Variants in MAGI2 observed in about 807,000 individuals in gnomAD.
MAGI2 encodes membrane-associated guanylate kinase, WW and PDZ domain-containing protein 2.
MAGI2 carries 35 observed loss-of-function variants against 133.3 expected under a neutral mutation model. That is an observed-to-expected ratio of 0.26 (90% confidence interval 0.20 to 0.35). MAGI2 has a LOEUF of 0.35. MAGI2 is among the 10% of genes least tolerant of loss of function. The pLI, the probability that MAGI2 is intolerant of heterozygous loss-of-function variation, is 1.00. For synonymous variants in MAGI2, 729 were observed against 710.6 expected (o/e 1.03, Z -0.41); for missense variants, 1,636 against 1,863.4 (o/e 0.88, Z 2.25).
chr7:78,898,944 G>A lies in MAGI2; in HGVS notation c.418+108146C>T, dbSNP rs1045086679. The stretch of plus-strand genomic sequence containing the variant: ...ACTACATAATAATATGTTATTGCAC[G>A]TATTTTTTCAACTCCTCATTCAATG... On this transcript the variant is annotated intron_variant, in intron 2 of 21. Coordinates refer to ENST00000354212, the MANE Select transcript of MAGI2 (RefSeq NM_012301.4). Among the ~76,000 whole-genome samples, 36 of 151,874 alleles carry A rather than the reference G, an allele frequency of 2.4e-4. 1 individual carries two copies. Among genetic ancestry groups the A allele is most frequent in the Non-Finnish European group, 7.4e-5 (5 of 67,970 alleles).
intron 3 of MAGI2, among the ~76,000 whole-genome samples, chr7:78,573,006 A>ACTAATAG: frequency 8.2e-6 from 1 of 121,436 alleles, no homozygotes; most frequent in African/African-American, 3.1e-5. Context: ...GAGGAACAGA[A>ACTAATAG]CTAATAGGAT....
chr7:78,092,539 G>T (rs1186762053), intron 20 of MAGI2, among the ~76,000 whole-genome samples: 1 of 152,156 alleles, frequency 6.6e-6, no homozygotes, highest in East Asian at 1.9e-4. Context: ...CTATGAAATT[G>T]GGCAGCATGT....
chr7:79,396,791 TA>T (rs1585832090), intron 1 of MAGI2, among the ~76,000 whole-genome samples: 1 of 152,122 alleles, frequency 6.6e-6, no homozygotes, highest in African/African-American at 2.4e-5. Flanking sequence ...TTAAAAGACT[TA>T]TTATTTAATG....
chr7:78,997,430 C>T (rs1387374113), intron 2 of MAGI2, among the ~76,000 whole-genome samples: 1 of 151,824 alleles, frequency 6.6e-6, no homozygotes, highest in African/African-American at 2.4e-5. Flanking sequence ...ATGGAGAAAC[C>T]CTGTCTACTA....
rs567411487 is a variant in MAGI2 at position 78,905,250 on chromosome 7, A to G, written c.418+101840T>C. Among the ~76,000 whole-genome samples, 5 of 152,190 alleles carry G rather than the reference A, an allele frequency of 3.3e-5. No individual in the cohort carries two copies. In the East Asian group the frequency reaches 9.7e-4, roughly 29 times the overall value. Reference sequence around the variant, plus strand: ...AAACTCTTTCCTACAATGTGTTGCAATTTTCAGTAATGACACCGTGCCGTG... The same window carrying G: ...AAACTCTTTCCTACAATGTGTTGCAGTTTTCAGTAATGACACCGTGCCGTG... On this transcript the variant is annotated intron_variant, in intron 2 of 21. Transcript: ENST00000354212.
intron 6 of MAGI2, among the ~76,000 whole-genome samples, chr7:78,477,377 T>C (rs1227955300): frequency 6.6e-6 from 1 of 152,064 alleles, no homozygotes; most frequent in Admixed American, 6.6e-5. Context: ...TATTTTATAA[T>C]ACCTTTCAGA....
chr7:79,209,825 A>C (rs1210776131), intron 1 of MAGI2, among the ~76,000 whole-genome samples: 1 of 152,112 alleles, frequency 6.6e-6, no homozygotes, highest in Non-Finnish European at 1.5e-5. Flanking sequence ...TAAGACTGTT[A>C]GCCTTTTGAC....
At chr7:78,372,573 C>T (rs1794030669) in intron 6 of MAGI2, among the ~76,000 whole-genome samples, 1 of 152,106 alleles carries the variant, frequency 6.6e-6, no homozygotes, top group African/African-American at 2.4e-5. Context: ...AAAATAAACA[C>T]TTGAGATCAG....
chr7:79,133,302 A>G (rs1821102973), intron 1 of MAGI2, among the ~76,000 whole-genome samples: 1 of 152,140 alleles, frequency 6.6e-6, no homozygotes, highest in Non-Finnish European at 1.5e-5. Context: ...TCAGTCTTTG[A>G]TCCATCATGA....
chr7:78,651,086 T>A (rs1171367325), intron 2 of MAGI2, among the ~76,000 whole-genome samples: 7 of 152,122 alleles, frequency 4.6e-5, no homozygotes, highest in Non-Finnish European at 1.0e-4. Context: ...CTTAGTAGTG[T>A]CTCTCATGTC....
intron 2 of MAGI2, among the ~76,000 whole-genome samples, chr7:78,870,116 A>T (rs909153836): frequency 2.0e-5 from 3 of 152,146 alleles, no homozygotes; most frequent in African/African-American, 7.2e-5. Context: ...TCACCAAGAA[A>T]AAAGAAATAA....
chr7:78,068,282 G>A (rs1225537591), intron 21 of MAGI2, among the ~76,000 whole-genome samples: 1 of 152,182 alleles, frequency 6.6e-6, no homozygotes, highest in Non-Finnish European at 1.5e-5. Context: ...AGGAGGTGGA[G>A]CTCAGGCAGT....
At chr7:78,737,388 G>A (rs973058195) in intron 2 of MAGI2, among the ~76,000 whole-genome samples, 1 of 152,136 alleles carries the variant, frequency 6.6e-6, no homozygotes, top group Admixed American at 6.5e-5. Flanking sequence ...AAATTTAACT[G>A]AGTACAAAAA....
At chr7:78,891,887 G>A (rs1167072142) in intron 2 of MAGI2, among the ~76,000 whole-genome samples, 1 of 152,140 alleles carries the variant, frequency 6.6e-6, no homozygotes, top group African/African-American at 2.4e-5. Flanking sequence ...AGGGCAATCA[G>A]GCAGGAGAAA....
chr7:78,508,578 A>T (rs1223273377), intron 4 of MAGI2, among the ~76,000 whole-genome samples: 1 of 152,206 alleles, frequency 6.6e-6, no homozygotes, highest in African/African-American at 2.4e-5. Flanking sequence ...ACCAGACCTT[A>T]CACGCCAACC....
intron 1 of MAGI2, among the ~76,000 whole-genome samples, chr7:79,326,718 G>C (rs1223849482): frequency 2.0e-5 from 3 of 151,386 alleles, no homozygotes; most frequent in Non-Finnish European, 2.9e-5. Context: ...GAAAAGTACA[G>C]GGCCACATTT....
chr7:79,228,650 T>C (rs892198130), intron 1 of MAGI2, among the ~76,000 whole-genome samples: 1 of 152,112 alleles, frequency 6.6e-6, no homozygotes, highest in Non-Finnish European at 1.5e-5. Context: ...AAGACTTGCA[T>C]AGAAGCGTAA....
chr7:78,916,869 T>G (rs938903711), intron 2 of MAGI2, among the ~76,000 whole-genome samples: 2 of 152,086 alleles, frequency 1.3e-5, no homozygotes, highest in African/African-American at 2.4e-5. Context: ...TGAAGGCGAA[T>G]AGTTGGCTTT....
At chr7:78,208,063 T>A (rs980562416) in intron 10 of MAGI2, among the ~76,000 whole-genome samples, 2 of 151,254 alleles carry the variant, frequency 1.3e-5, no homozygotes, top group African/African-American at 4.9e-5. Flanking sequence ...AGAGAAGGGG[T>A]TTCACTATCT....
Sources: gnomAD v4.1 joint callset for allele counts (sites outside exome capture counted in the v4.1 genomes callset) on GRCh38, gnomAD v4.1.1 for gene constraint, MANE v1.5 for transcripts, NCBI Gene and HGNC (gene_info 2026-07-23, HGNC 2026-07-21) for gene names.